Variants in MEI1 observed in about 807,000 individuals in gnomAD.
MEI1 encodes the protein meiosis inhibitor protein 1.
A neutral mutation model predicts 146.2 loss-of-function variants in MEI1; 103 were observed. That is an observed-to-expected ratio of 0.70 (90% CI 0.60 to 0.83). The LOEUF (loss-of-function observed/expected upper bound fraction) is 0.83, where lower values mean the gene tolerates loss of function less well. Among genes scored for constraint, MEI1 ranks in the 40% least tolerant of loss-of-function variants. The pLI, the probability that MEI1 is intolerant of heterozygous loss-of-function variation, is 0.00. For missense variants in MEI1, 1,529 were observed against 1,533.0 expected (o/e 1.00, Z 0.04); for synonymous variants, 652 against 628.2 (o/e 1.04, Z -0.57).
At chr22:41,714,542 A>G (rs1390450209) in intron 4 of MEI1, among the ~76,000 whole-genome samples, 5 of 152,040 alleles carry the variant, frequency 3.3e-5, no homozygotes, top group Non-Finnish European at 1.5e-5. Flanking sequence ...TTGAGTGGAT[A>G]TGGTATGTTT....
chr22:41,733,589 C>G (rs554939109), intron 11 of MEI1, among the ~76,000 whole-genome samples: 58 of 151,918 alleles, frequency 3.8e-4, no homozygotes, highest in Admixed American at 3.5e-3. Flanking sequence ...AATCCCATCT[C>G]TACAAAAACT....
chr22:41,732,708 C>T, intron 11 of MEI1, 105 bp downstream of exon 11: 1 of 1,252,508 alleles, frequency 8.0e-7, no homozygotes, highest in Non-Finnish European at 1.1e-6. Context: ...CTTATAATAC[C>T]TAATATAGTT....
At chr22:41,715,975 A>T (rs2070109466) in intron 4 of MEI1, 66 bp from the exon 5 acceptor site, 1 of 1,190,322 alleles carries the variant, frequency 8.4e-7, no homozygotes, top group South Asian at 1.4e-5. Flanking sequence ...GTAGGGAAAG[A>T]TCAGTTTTGG....
intron 11 of MEI1, among the ~76,000 whole-genome samples, chr22:41,737,205 A>C (rs1462498901): frequency 6.6e-6 from 1 of 151,998 alleles, no homozygotes; most frequent in African/African-American, 2.4e-5. Context: ...TCAGACTGCT[A>C]TAGCACCTAT....
In MEI1 at chr22:41,780,983, G is replaced by A. The variant is rs1034871175; in HGVS notation, c.2816-301G>A. 1.3e-5 allele frequency among the ~76,000 whole-genome samples: 2 copies of A among 152,190 alleles called. 1 individual carries two copies. Among genetic ancestry groups the A allele is most frequent in the South Asian group, 4.1e-4 (2 of 4,832 alleles). Reference sequence around the variant, plus strand: ...AAGTGCAGGGAACTGCACTTCATTCGACTGTTAAAGTTCCCTTGGGAAGGT... The same window carrying A: ...AAGTGCAGGGAACTGCACTTCATTCAACTGTTAAAGTTCCCTTGGGAAGGT... On this transcript the variant is annotated intron_variant, in intron 22 of 30. Coordinates refer to ENST00000401548, the MANE Select transcript of MEI1 (RefSeq NM_152513.4).
chr22:41,782,849 C>T (rs2075815306), intron 24 of MEI1, among the ~76,000 whole-genome samples: 3 of 152,206 alleles, frequency 2.0e-5, no homozygotes. Flanking sequence ...CACACCTAGG[C>T]AATTACCTGC....
intron 1 of MEI1, among the ~76,000 whole-genome samples, chr22:41,702,594 C>T (rs762225756): frequency 2.2e-4 from 34 of 152,016 alleles, no homozygotes; most frequent in Middle Eastern, 3.4e-3. Context: ...TATAGGCATG[C>T]GCCACCACGC....
intron 11 of MEI1, among the ~76,000 whole-genome samples, chr22:41,740,082 C>T (rs922098825): frequency 4.6e-5 from 7 of 151,758 alleles, no homozygotes; most frequent in Non-Finnish European, 8.8e-5. Flanking sequence ...TTCAGTGGCT[C>T]GATCTCGGTT....
chr22:41,796,676 A>G (rs1333114155), intron 30 of MEI1, among the ~76,000 whole-genome samples: 2 of 152,196 alleles, frequency 1.3e-5, no homozygotes, highest in Non-Finnish European at 2.9e-5. Flanking sequence ...AGTTGCAGTC[A>G]AAATGTAGCC....
At chr22:41,745,187 A>T (rs1196329748) in intron 13 of MEI1, 123 bp downstream of exon 13, 12 of 686,414 alleles carry the variant, frequency 1.7e-5, no homozygotes, top group Non-Finnish European at 2.7e-5. Context: ...GGCAAAGAGG[A>T]CTTTGGCTGG....
At chr22:41,778,394 G>A (rs1443959949) in intron 21 of MEI1, among the ~76,000 whole-genome samples, 1 of 152,198 alleles carries the variant, frequency 6.6e-6, no homozygotes, top group African/African-American at 2.4e-5. Context: ...CCTTGGAGAA[G>A]TCACTCAGCC....
Position 41,795,764 on chromosome 22 carries a change from C to T in MEI1, c.3696C>T (p.His1232=). The part of the protein sequence containing the change: ...QLQSMGHLAD[H]SMAQTLQASL... ...AGAGCATGGGACACCTGGCTGACCA[C>T]AGCATGGCCCAGACCCTGCAGGCCT... Residue 1232 remains histidine (H), a synonymous_variant, in exon 30 of 31, where the codon CAC becomes CAT. Transcript: ENST00000401548. The surrounding 1 kb of genome is among the most constrained non-coding windows in gnomAD (Gnocchi z 4.2). 1 of 1,613,762 alleles carries T rather than the reference C, an allele frequency of 6.2e-7. No homozygotes were observed. Among genetic ancestry groups the T allele is most frequent in the Non-Finnish European group, 8.5e-7 (1 of 1,179,796 alleles).
At chr22:41,760,153 C>T (rs1016686097) in intron 18 of MEI1, among the ~76,000 whole-genome samples, 4 of 151,182 alleles carry the variant, frequency 2.6e-5, no homozygotes, top group Non-Finnish European at 5.9e-5. Flanking sequence ...ACTAAAAATA[C>T]AAAAAAATTA....
Position 41,781,278 on chromosome 22 carries a change from T to G in MEI1, c.2816-6T>G. 6.2e-7 allele frequency: 1 copy of G among 1,606,660 alleles called. No individual in the cohort carries two copies. The highest frequency in any genetic ancestry group is 2.2e-5 in the East Asian group (1 of 44,708). ...CAGGCCGACTGGGGACTTTCATCTC[T>G]TGCAGTAAGCAAGCTGTGTGGGAAG... On this transcript the variant is annotated splice_region_variant and splice_polypyrimidine_tract_variant and intron_variant, in intron 22 of 30. Transcript: ENST00000401548.
At chr22:41,710,392 G>A (rs1467733054) in intron 3 of MEI1, among the ~76,000 whole-genome samples, 1 of 152,204 alleles carries the variant, frequency 6.6e-6, no homozygotes, top group African/African-American at 2.4e-5. Flanking sequence ...AAGTGGGTTA[G>A]TAAGTGTAAT....
intron 21 of MEI1, among the ~76,000 whole-genome samples, chr22:41,777,487 A>C (rs1017703363): frequency 2.6e-4 from 40 of 152,180 alleles, no homozygotes; most frequent in African/African-American, 8.9e-4. Flanking sequence ...AGCGAAAGGC[A>C]ATCTGTGGCT....
intron 14 of MEI1, 31 bp from the exon 15 acceptor site, chr22:41,748,076 G>A: frequency 6.7e-7 from 1 of 1,487,806 alleles, no homozygotes. Flanking sequence ...CAGTCCCCGT[G>A]GGCTGTGTTC....
rs2076295119 is a variant in MEI1, at chr22:41,794,468, C to T, written c.3525C>T (p.Leu1175=). Residue 1175 remains leucine, a synonymous_variant, in exon 28 of 31, where the codon CTC becomes CTT. Coordinates refer to ENST00000401548, the MANE Select transcript of MEI1 (RefSeq NM_152513.4). The stretch of plus-strand genomic sequence containing the variant: ...TCCTCAGACCTGAGATTTTGAGGCT[C>T]ATGACCCTGGTAAGTGCAGAAAGGA... ...NSFLRPEILR[L]MTLFMRYRSS... is the part of the protein sequence containing the mutation. 1.9e-6 allele frequency: 3 copies of T among 1,613,118 alleles called. No individual in the cohort carries two copies. The highest frequency in any genetic ancestry group is 1.7e-5 in the Admixed American group (1 of 60,024).
At chr22:41,780,455 G>A (rs960286354) in intron 22 of MEI1, among the ~76,000 whole-genome samples, 2 of 152,038 alleles carry the variant, frequency 1.3e-5, no homozygotes, top group East Asian at 1.9e-4. Flanking sequence ...ATGTTCTATA[G>A]ATATCTACAG....
Sources: allele counts gnomAD v4.1 joint callset (sites outside exome capture counted in the v4.1 genomes callset), GRCh38; gene constraint gnomAD v4.1.1; non-coding constraint Gnocchi (gnomAD v3.1); transcripts MANE v1.5; gene names NCBI Gene and HGNC (gene_info 2026-07-23, HGNC 2026-07-21).